Variants in BLTP3B observed in about 807,000 individuals in gnomAD.
The protein encoded by BLTP3B is bridge-like lipid transfer protein family member 3B.
chr12:100,057,968 A>C, the BLTP3B span: 16 of 1,506,178 alleles, frequency 1.1e-5, no homozygotes, highest in Non-Finnish European at 1.3e-5. Flanking sequence ...AAATACACTC[A>C]TAGGCACACA....
At chr12:100,082,943 A>G in the BLTP3B span, 32 of 1,046,724 alleles carry the variant, frequency 3.1e-5, no homozygotes, top group Non-Finnish European at 2.9e-6. Context: ...AAATGGTAGC[A>G]TTTGTTATTT....
the BLTP3B span, among the ~76,000 whole-genome samples, chr12:100,140,729 A>AATATATATATATATATATATATAT: frequency 3.3e-4 from 20 of 61,478 alleles, no homozygotes; most frequent in African/African-American, 1.2e-3. Context: ...AAAAAAAAAA[A>AATATATATATATATATATATATAT]ATATATATAT....
chr12:100,126,953 A>C, the BLTP3B span, among the ~76,000 whole-genome samples: 1 of 152,190 alleles, frequency 6.6e-6, no homozygotes, highest in Non-Finnish European at 1.5e-5. Flanking sequence ...GTAAAGAAGA[A>C]AAAGGAATGA....
chr12:100,070,195 C>G, the BLTP3B span: 1 of 1,553,738 alleles, frequency 6.4e-7, no homozygotes, highest in Non-Finnish European at 8.7e-7. Flanking sequence ...GAGAAACACA[C>G]ACAGATAAAC....
chr12:100,091,764 C>G, the BLTP3B span, among the ~76,000 whole-genome samples: 1 of 151,686 alleles, frequency 6.6e-6, no homozygotes, highest in Non-Finnish European at 1.5e-5. Flanking sequence ...CTCAGCCTCC[C>G]AAAGTGCGGG....
At chr12:100,040,888 AC>A in the BLTP3B span, among the ~76,000 whole-genome samples, 4 of 152,226 alleles carry the variant, frequency 2.6e-5, no homozygotes, top group Non-Finnish European at 1.5e-5. Flanking sequence ...ATTTTATCAA[AC>A]ATTTAAAGAA....
the BLTP3B span, among the ~76,000 whole-genome samples, chr12:100,113,336 G>A: frequency 1.3e-5 from 2 of 151,392 alleles, no homozygotes; most frequent in South Asian, 2.1e-4. Context: ...AAATTAGCTG[G>A]GTGTGGATCC....
At chr12:100,086,738 A>C in the BLTP3B span, among the ~76,000 whole-genome samples, 1 of 152,190 alleles carries the variant, frequency 6.6e-6, no homozygotes, top group African/African-American at 2.4e-5. Flanking sequence ...AATCATTATT[A>C]TCCCCATCTT....
chr12:100,054,227 C>T, the BLTP3B span, among the ~76,000 whole-genome samples: 1 of 151,976 alleles, frequency 6.6e-6, no homozygotes, highest in East Asian at 1.9e-4. Context: ...AAAATATTTT[C>T]AAAGGAGTTT....
At chr12:100,133,152 G>A in the BLTP3B span, among the ~76,000 whole-genome samples, 1 of 152,066 alleles carries the variant, frequency 6.6e-6, no homozygotes, top group African/African-American at 2.4e-5. Context: ...TGAGGCAGGA[G>A]AATGGCATGA....
At chr12:100,073,923 G>A in the BLTP3B span, among the ~76,000 whole-genome samples, 3 of 152,160 alleles carry the variant, frequency 2.0e-5, no homozygotes, top group South Asian at 4.2e-4. Context: ...GTTCTGAAGC[G>A]GCAAAAGCTG....
At chr12:100,102,903 G>C in the BLTP3B span, 2 of 1,120,606 alleles carry the variant, frequency 1.8e-6, no homozygotes, top group Non-Finnish European at 2.5e-6. Flanking sequence ...TTTATTCTAC[G>C]TATATTATTA....
chr12:100,118,371 G>C, the BLTP3B span, among the ~76,000 whole-genome samples: 10,373 of 151,996 alleles, frequency 0.068, 391 homozygotes, highest in South Asian at 0.089. Flanking sequence ...CAGTCTGGGA[G>C]AGTGAGTGAG....
the BLTP3B span, among the ~76,000 whole-genome samples, chr12:100,132,153 G>A: frequency 6.6e-6 from 1 of 152,124 alleles, no homozygotes. Flanking sequence ...TAAAACACAT[G>A]TAATTGATAA....
At chr12:100,114,114 CTTG>C in the BLTP3B span, among the ~76,000 whole-genome samples, 2 of 152,120 alleles carry the variant, frequency 1.3e-5, no homozygotes, top group Non-Finnish European at 1.5e-5. Flanking sequence ...AATTATTTAG[CTTG>C]TTATTAATAA....
chr12:100,051,446 T>A, the BLTP3B span: 76 of 388,676 alleles, frequency 2.0e-4, no homozygotes, highest in East Asian at 6.4e-4. Context: ...CAATTTTTTT[T>A]AAAATTCAGT....
At chr12:100,061,747 A>C in the BLTP3B span, among the ~76,000 whole-genome samples, 2 of 152,188 alleles carry the variant, frequency 1.3e-5, no homozygotes, top group Admixed American at 6.5e-5. Flanking sequence ...AATAATACTT[A>C]AAAGCAGCTT....
At chr12:100,052,893 A>C in the BLTP3B span, among the ~76,000 whole-genome samples, 3 of 148,780 alleles carry the variant, frequency 2.0e-5, no homozygotes, top group African/African-American at 7.5e-5. Context: ...TCCCGGGTTC[A>C]AGCGATTCTC....
At chr12:100,107,785 A>C in the BLTP3B span, among the ~76,000 whole-genome samples, 1 of 152,186 alleles carries the variant, frequency 6.6e-6, no homozygotes, top group Non-Finnish European at 1.5e-5. Flanking sequence ...CCCAGGCTGG[A>C]GTGCAGTGGC....
Sources: allele counts gnomAD v4.1 joint callset (sites outside exome capture counted in the v4.1 genomes callset), GRCh38; gene constraint gnomAD v4.1.1; transcripts MANE v1.5; gene names NCBI Gene and HGNC (gene_info 2026-07-23, HGNC 2026-07-21).